The following ERN1 variants were observed in gnomAD, a reference collection of about 807,000 sequenced individuals.
ERN1 encodes endoplasmic reticulum to nucleus signaling 1, also known as serine/threonine-protein kinase/endoribonuclease IRE1.
ERN1 carries 39 observed loss-of-function variants against 113.1 expected under a neutral mutation model. The ratio of observed to expected loss-of-function variants is 0.34; its 90% CI spans 0.27 to 0.45. The LOEUF (loss-of-function observed/expected upper bound fraction) is 0.45, where lower values mean the gene tolerates loss of function less well. ERN1 is among the 20% of genes least tolerant of loss of function. The pLI, the probability that ERN1 is intolerant of heterozygous loss-of-function variation, is 1.00. For synonymous variants in ERN1, 507 were observed against 515.9 expected (o/e 0.98, Z 0.23); for missense variants, 976 against 1,274.8 (o/e 0.77, Z 3.57).
chr17:64,129,051 G>A (rs970727154), intron 1 of ERN1: 1 of 151,518 alleles, frequency 6.6e-6, no homozygotes, highest in Non-Finnish European at 1.5e-5. Flanking sequence ...CTCACATCCT[G>A]AACAATACAT....
At chr17:64,056,348 A>G (rs1912868907) in intron 12 of ERN1, among the ~76,000 whole-genome samples, 1 of 152,218 alleles carries the variant, frequency 6.6e-6, no homozygotes, top group South Asian at 2.1e-4. Context: ...GGTGAGAGCA[A>G]GCCCCAGGTT....
chr17:64,100,416 C>T (rs1914353952), intron 1 of ERN1, among the ~76,000 whole-genome samples: 1 of 152,160 alleles, frequency 6.6e-6, no homozygotes, highest in Non-Finnish European at 1.5e-5. Flanking sequence ...CAGGAATAAC[C>T]ACTCTGTACA....
rs1467662445 is a variant in ERN1, at chr17:64,042,139, T to C, written c.*1849A>G. The C allele has an allele frequency of 6.6e-6, 1 of 152,256 alleles. No homozygotes were observed. The highest frequency in any genetic ancestry group is 1.5e-5 in the Non-Finnish European group (1 of 68,134). 9.4% of individuals were successfully genotyped at this position (152,256 alleles called of 1,614,324 possible). On this transcript the variant is annotated 3_prime_UTR_variant, in exon 22 of 22. Coordinates refer to ENST00000433197, the MANE Select transcript of ERN1 (RefSeq NM_001433.5). ...CCACAGGTAAAGCACCTTGCAGCCG[T>C]ATGGGGAGCTCTGTCTCAGGCCACC...
intron 1 of ERN1, among the ~76,000 whole-genome samples, chr17:64,112,909 G>A (rs1914712006): frequency 6.6e-6 from 1 of 152,218 alleles, no homozygotes; most frequent in South Asian, 2.1e-4. Context: ...TGGTAGACAA[G>A]AGATCATCAA....
chr17:64,114,582 T>A (rs1914756469), intron 1 of ERN1, among the ~76,000 whole-genome samples: 1 of 152,188 alleles, frequency 6.6e-6, no homozygotes, highest in Admixed American at 6.5e-5. Context: ...ACGGTGAGGT[T>A]GGGGGAGAAG....
chr17:64,054,240 A>G lies in ERN1; in HGVS notation c.1953+10T>C, dbSNP rs1016704190. On this transcript the variant is annotated intron_variant, in intron 15 of 21. Coordinates refer to ENST00000433197, the MANE Select transcript of ERN1 (RefSeq NM_001433.5). The surrounding 1 kb of genome is among the most constrained non-coding windows in gnomAD (Gnocchi z 4.9). ...TAATAAAGTTAACAAAATAAAAAAAATAAATCCACCTCTTGCAGGGTGGCT... is the reference window on the plus strand; with the variant it reads ...TAATAAAGTTAACAAAATAAAAAAAGTAAATCCACCTCTTGCAGGGTGGCT... The G allele has an allele frequency of 6.3e-7, 1 of 1,597,004 alleles. No individual in the cohort carries two copies. Among genetic ancestry groups the G allele is most frequent in the Non-Finnish European group, 8.5e-7 (1 of 1,169,910 alleles).
chr17:64,071,750 C>T (rs961484563), intron 6 of ERN1, among the ~76,000 whole-genome samples: 14 of 152,024 alleles, frequency 9.2e-5, no homozygotes, highest in African/African-American at 2.7e-4. Context: ...AGAAATGAGG[C>T]GAGAAAGGTG....
intron 2 of ERN1, among the ~76,000 whole-genome samples, chr17:64,082,546 AC>A (rs1375134677): frequency 6.6e-6 from 1 of 152,236 alleles, no homozygotes; most frequent in Non-Finnish European, 1.5e-5. Context: ...TCACAGATAA[AC>A]ACAGATTAAG....
At chr17:64,098,718 A>G (rs1483925825) in intron 1 of ERN1, among the ~76,000 whole-genome samples, 1 of 152,216 alleles carries the variant, frequency 6.6e-6, no homozygotes, top group Non-Finnish European at 1.5e-5. Context: ...TCATTATACA[A>G]AGAATTTATA....
Position 64,063,270 on chromosome 17 carries a change from T to G in ERN1, c.1087+716A>C, listed in dbSNP as rs1028239885. Among the ~76,000 whole-genome samples, 1 of 152,216 alleles carries G rather than the reference T, an allele frequency of 6.6e-6. No individual in the cohort carries two copies. The highest frequency in any genetic ancestry group is 1.5e-5 in the Non-Finnish European group (1 of 68,028). On this transcript the variant is annotated intron_variant, in intron 10 of 21. Transcript: ENST00000433197. The surrounding 1 kb of genome is among the most constrained non-coding windows in gnomAD (Gnocchi z 5.1). ...GCAGATGGGGTTCAAGAAAACTCCC[T>G]CCTGCTCTAATGACTTGGCACACTT... is the stretch of plus-strand genomic sequence containing the variant.
Position 64,052,924 on chromosome 17 carries a change from G to A in ERN1, c.2109C>T (p.Gly703=), listed in dbSNP as rs1912732298. 6.2e-7 allele frequency: 1 copy of A among 1,613,828 alleles called. No individual in the cohort carries two copies. Among genetic ancestry groups the A allele is most frequent in the African/African-American group, 1.3e-5 (1 of 75,034 alleles). The change falls in exon 17 of 22, where the codon GGC becomes GGT. Residue 703 remains glycine, a synonymous_variant. Coordinates refer to ENST00000433197, the MANE Select transcript of ERN1 (RefSeq NM_001433.5). ...AGTCGGAGATCATGGCCTTGATCTT[G>A]CCGTGTGCATTGGGCATGGATATGA... ...NILISMPNAH[G]KIKAMISDFG...
chr17:64,120,534 C>G (rs1300288405), intron 1 of ERN1, among the ~76,000 whole-genome samples: 2 of 152,134 alleles, frequency 1.3e-5, no homozygotes, highest in Non-Finnish European at 2.9e-5. Flanking sequence ...ATAAATTAGT[C>G]TACTAACAAA....
Position 64,079,732 on chromosome 17 carries a change from G to C in ERN1, c.212C>G (p.Pro71Arg), listed in dbSNP as rs1422393717. The change falls in exon 4 of 22, where the codon CCT (proline) becomes CGT (arginine). Residue 71 changes from proline to arginine, a missense_variant and splice_region_variant. Pro to Arg is a moderately radical substitution (Grantham distance 103, BLOSUM62 -2). This residue lies in a region of ERN1 where 459 missense variants were observed against 581.2 expected (regional missense o/e 0.79). Transcript: ENST00000433197. The part of the protein sequence containing the change: ...VLQVPTHVEE[P>R]AFLPDPNDGS... ...ATCATTAGGATCTGGGAGAAAGGCA[G>C]GCCTAGAGATTAAATAATAAATATC... The C allele has an allele frequency of 6.2e-7, 1 of 1,612,502 alleles. No individual in the cohort carries two copies. The highest frequency in any genetic ancestry group is 8.5e-7 in the Non-Finnish European group (1 of 1,178,778).
At position 64,064,060 on chromosome 17, in the gene ERN1, G is replaced by A. The variant is rs756482275; in HGVS notation, c.1013C>T (p.Thr338Met). ...DKGECVITPS[T>M]DVKFDPGLKS... ...GAGTCCGGGATCAAACTTGACGTCC[G>A]TGCTGGGCGTGATCACACACTCCCC... is the stretch of plus-strand genomic sequence containing the variant. Residue 338 changes from threonine (T) to methionine (M), a missense_variant, in exon 10 of 22, where the codon ACG becomes ATG. Transcript: ENST00000433197. 2.1e-5 allele frequency: 34 copies of A among 1,613,650 alleles called. 1 individual carries two copies. Among genetic ancestry groups the A allele is most frequent in the Middle Eastern group, 1.6e-4 (1 of 6,082 alleles).
chr17:64,105,678 G>GA (rs1285110975), intron 1 of ERN1, among the ~76,000 whole-genome samples: 1 of 152,076 alleles, frequency 6.6e-6, no homozygotes, highest in East Asian at 1.9e-4. Flanking sequence ...TTAAGGTTAA[G>GA]AAAACAGCCG....
chr17:64,087,005 CA>C (rs1913954815), intron 2 of ERN1, among the ~76,000 whole-genome samples: 1 of 152,108 alleles, frequency 6.6e-6, no homozygotes, highest in Admixed American at 6.5e-5. Flanking sequence ...AAAAAATTGA[CA>C]AACAGTTTGC....
At chr17:64,112,062 C>T (rs774810570) in intron 1 of ERN1, among the ~76,000 whole-genome samples, 9 of 151,972 alleles carry the variant, frequency 5.9e-5, no homozygotes, top group Non-Finnish European at 1.3e-4. Flanking sequence ...ATGTTTGGCT[C>T]GTGGTGTTCA....
intron 1 of ERN1, chr17:64,128,720 T>C (rs1256847881): frequency 6.6e-6 from 1 of 152,196 alleles, no homozygotes; most frequent in Non-Finnish European, 1.5e-5. Flanking sequence ...GTGGGGTTTT[T>C]ATTTGAAAGA....
Position 64,040,961 on chromosome 17 carries a change from T to C in ERN1, c.*3027A>G, listed in dbSNP as rs1912318529. On this transcript the variant is annotated 3_prime_UTR_variant, in exon 22 of 22. Coordinates refer to ENST00000433197, the MANE Select transcript of ERN1 (RefSeq NM_001433.5). ...GAGATCGAGACCATCCTGCCTAACA[T>C]GGGGAAACCCCGTCTCTACTAAAAA... 1 of 151,890 alleles carries C rather than the reference T, an allele frequency of 6.6e-6. No homozygotes were observed. The highest frequency in any genetic ancestry group is 1.5e-5 in the Non-Finnish European group (1 of 68,012). 9.4% of individuals were successfully genotyped at this position (151,890 alleles called of 1,614,324 possible). A position where few individuals can be genotyped will look rare whatever the true frequency, so the allele number is the denominator to read the frequency against.
Sources: gnomAD v4.1 joint callset for allele counts (sites outside exome capture counted in the v4.1 genomes callset) on GRCh38, gnomAD v4.1.1 for gene constraint, gnomAD v4.1.1 regional missense constraint, Gnocchi (gnomAD v3.1) non-coding constraint, MANE v1.5 for transcripts, NCBI Gene and HGNC (gene_info 2026-07-23, HGNC 2026-07-21) for gene names.